Variants in GPR39 observed in about 807,000 individuals in gnomAD.
The protein encoded by GPR39 is zinc sensing receptor.
Under a neutral mutation model 18.4 loss-of-function variants are expected in GPR39, and 23 were observed. That is an observed-to-expected ratio of 1.25 (90% CI 0.90 to 1.77). The LOEUF (loss-of-function observed/expected upper bound fraction) is 1.77, where lower values mean the gene tolerates loss of function less well. GPR39 is among the 40% of genes most tolerant of loss of function. GPR39 has a pLI of 0.00. For synonymous variants in GPR39, 280 were observed against 257.9 expected, an observed-to-expected ratio of 1.09 and a Z score of -0.82; for missense variants, 647 against 602.4, an observed-to-expected ratio of 1.07 and a Z score of -0.78.
At chr2:132,638,603 C>T (rs181709961) in intron 1 of GPR39, among the ~76,000 whole-genome samples, 4 of 152,306 alleles carry the variant, frequency 2.6e-5, no homozygotes, top group East Asian at 1.9e-4. Flanking sequence ...CTGATTTGGA[C>T]GCCTCGGGTC....
intron 1 of GPR39, among the ~76,000 whole-genome samples, chr2:132,463,870 T>C (rs1356811181): frequency 1.3e-5 from 2 of 152,212 alleles, no homozygotes; most frequent in African/African-American, 4.8e-5. Flanking sequence ...GATGGGCTCA[T>C]TCACTTGTTT....
At chr2:132,563,492 A>G (rs1273249926) in intron 1 of GPR39, among the ~76,000 whole-genome samples, 2 of 152,172 alleles carry the variant, frequency 1.3e-5, no homozygotes, top group Non-Finnish European at 2.9e-5. Context: ...GAGTAAAAAT[A>G]AAATGAGTAT....
intron 1 of GPR39, among the ~76,000 whole-genome samples, chr2:132,562,824 A>G (rs1680278625): frequency 6.6e-6 from 1 of 152,188 alleles, no homozygotes; most frequent in Non-Finnish European, 1.5e-5. Context: ...CTTCAGAACA[A>G]GCTCATGCAG....
At chr2:132,422,157 A>G (rs1680023720) in intron 1 of GPR39, among the ~76,000 whole-genome samples, 1 of 152,214 alleles carries the variant, frequency 6.6e-6, no homozygotes, top group Non-Finnish European at 1.5e-5. Context: ...TAAGATTATA[A>G]AAAGGGCCTC....
intron 1 of GPR39, among the ~76,000 whole-genome samples, chr2:132,422,226 T>C (rs1680025400): frequency 6.6e-6 from 1 of 152,216 alleles, no homozygotes; most frequent in South Asian, 2.1e-4. Flanking sequence ...GCATTATCCT[T>C]ATCAGTTTTC....
At chr2:132,507,652 C>T (rs1243641110) in intron 1 of GPR39, among the ~76,000 whole-genome samples, 1 of 152,182 alleles carries the variant, frequency 6.6e-6, no homozygotes, top group Non-Finnish European at 1.5e-5. Flanking sequence ...GACCTCATCC[C>T]AGATATCAGC....
intron 1 of GPR39, among the ~76,000 whole-genome samples, chr2:132,460,455 G>A (rs887264906): frequency 6.6e-6 from 1 of 152,150 alleles, no homozygotes; most frequent in African/African-American, 2.4e-5. Flanking sequence ...GAGTAGAATG[G>A]AAAATGTACA....
At chr2:132,499,505 T>G (rs547888131) in intron 1 of GPR39, among the ~76,000 whole-genome samples, 112 of 152,066 alleles carry the variant, frequency 7.4e-4, no homozygotes, top group African/African-American at 2.6e-3. Flanking sequence ...TGTGGTTTTT[T>G]TTGTTGTTGT....
chr2:132,510,859 TG>T (rs1385527154), intron 1 of GPR39, among the ~76,000 whole-genome samples: 1 of 152,250 alleles, frequency 6.6e-6, no homozygotes, highest in Non-Finnish European at 1.5e-5. Flanking sequence ...TGCATTTATT[TG>T]CTTACTATCT....
chr2:132,483,294 G>A (rs1395236461), intron 1 of GPR39, among the ~76,000 whole-genome samples: 1 of 152,196 alleles, frequency 6.6e-6, no homozygotes, highest in African/African-American at 2.4e-5. Context: ...GAGTGGGACA[G>A]TTGGAACAGC....
intron 1 of GPR39, among the ~76,000 whole-genome samples, chr2:132,458,749 A>G (rs987206324): frequency 5.3e-5 from 8 of 152,102 alleles, no homozygotes; most frequent in African/African-American, 1.9e-4. Flanking sequence ...GAAGAGAACC[A>G]CATTGCATTC....
At chr2:132,467,642 C>G (rs928781715) in intron 1 of GPR39, among the ~76,000 whole-genome samples, 6 of 152,130 alleles carry the variant, frequency 3.9e-5, no homozygotes, top group Non-Finnish European at 7.3e-5. Flanking sequence ...CACAATCTCT[C>G]CATAGTCAAG....
chr2:132,589,018 C>T (rs886137818), intron 1 of GPR39, among the ~76,000 whole-genome samples: 1 of 152,082 alleles, frequency 6.6e-6, no homozygotes, highest in Admixed American at 6.5e-5. Context: ...CTGCAAATGC[C>T]TAAACAACTG....
chr2:132,474,210 TG>T (rs1681084154), intron 1 of GPR39, among the ~76,000 whole-genome samples: 1 of 152,196 alleles, frequency 6.6e-6, no homozygotes, highest in African/African-American at 2.4e-5. Flanking sequence ...ATGTTTTCTT[TG>T]GGGTGATAAT....
rs187554956 is a variant in GPR39 at position 132,467,528 on chromosome 2, A to G, written c.856+49630A>G. Among the ~76,000 whole-genome samples, 395 of 152,322 alleles carry G rather than the reference A, an allele frequency of 2.6e-3. 1 individual carries two copies. The highest frequency in any genetic ancestry group is 8.7e-3 in the African/African-American group (360 of 41,566). On this transcript the variant is annotated intron_variant, in intron 1 of 1. Coordinates refer to ENST00000329321, the MANE Select transcript of GPR39 (RefSeq NM_001508.3). ...TCAGTATCACACAGTATAGCCAGGAAACAAACTTGTGCATGTACCCTCTGA... is the reference window on the plus strand; with the variant it reads ...TCAGTATCACACAGTATAGCCAGGAGACAAACTTGTGCATGTACCCTCTGA...
intron 1 of GPR39, among the ~76,000 whole-genome samples, chr2:132,631,101 A>C (rs529827577): frequency 6.6e-6 from 1 of 152,202 alleles, no homozygotes; most frequent in South Asian, 2.1e-4. Flanking sequence ...GAGAGGGAAA[A>C]AGAAGGGAGG....
At chr2:132,584,732 G>T (rs2104826147) in intron 1 of GPR39, among the ~76,000 whole-genome samples, 1 of 152,316 alleles carries the variant, frequency 6.6e-6, no homozygotes, top group East Asian at 1.9e-4. Context: ...AAGCAGGCAG[G>T]ATCGGATGCA....
At chr2:132,579,648 T>C (rs1680591126) in intron 1 of GPR39, among the ~76,000 whole-genome samples, 1 of 152,182 alleles carries the variant, frequency 6.6e-6, no homozygotes, top group African/African-American at 2.4e-5. Context: ...TTCAACCTTA[T>C]TAGGAGATGG....
At chr2:132,583,838 T>C (rs992046646) in intron 1 of GPR39, among the ~76,000 whole-genome samples, 18 of 151,576 alleles carry the variant, frequency 1.2e-4, no homozygotes, top group Middle Eastern at 3.4e-3. Context: ...CACAGCAATG[T>C]CCTCTCCATG....
Sources: gnomAD v4.1 joint callset for allele counts (sites outside exome capture counted in the v4.1 genomes callset) on GRCh38, gnomAD v4.1.1 for gene constraint, MANE v1.5 for transcripts, NCBI Gene and HGNC (gene_info 2026-07-23, HGNC 2026-07-21) for gene names.